Variants in WDR83 observed in about 807,000 individuals in gnomAD.
The protein encoded by WDR83 is WD repeat domain-containing protein 83.
A neutral mutation model predicts 37.7 loss-of-function variants in WDR83; 37 were observed. That is an observed-to-expected ratio of 0.98 (90% CI 0.76 to 1.29). WDR83 has a LOEUF of 1.29. Ranked by LOEUF, WDR83 falls within the 50% of genes most tolerant of loss-of-function variation. The pLI is 0.00. For missense variants in WDR83, 445 were observed against 414.4 expected, an observed-to-expected ratio of 1.07 and a Z score of -0.64; for synonymous variants, 174 against 181.1, an observed-to-expected ratio of 0.96 and a Z score of 0.31.
intron 2 of WDR83, chr19:12,669,411 C>G (rs370776233): frequency 2.5e-6 from 4 of 1,592,070 alleles, no homozygotes; most frequent in Non-Finnish European, 3.4e-6. Flanking sequence ...CATAGCGAGT[C>G]GAAGGCCAGA....
chr19:12,673,460 C>T, intron 10 of WDR83, 144 bp downstream of exon 10: 2 of 623,224 alleles, frequency 3.2e-6, no homozygotes, highest in Non-Finnish European at 2.7e-6. Flanking sequence ...CTCTGTCGCC[C>T]AGGCTAGAGT....
intron 10 of WDR83, among the ~76,000 whole-genome samples, chr19:12,674,883 A>AG (rs1568315935): frequency 6.6e-6 from 1 of 152,174 alleles, no homozygotes; most frequent in East Asian, 1.9e-4. Flanking sequence ...TGGGAGGCCG[A>AG]GGGGGGTGGA....
At chr19:12,668,101 T>A in intron 1 of WDR83, 3 of 416,176 alleles carry the variant, frequency 7.2e-6, no homozygotes, top group South Asian at 3.0e-5. Flanking sequence ...TAACAACAGG[T>A]TTCAACGAGA....
At chr19:12,673,407 GATCTTT>G in intron 10 of WDR83, 91 bp downstream of exon 10, 1 of 415,212 alleles carries the variant, frequency 2.4e-6, no homozygotes. Flanking sequence ...TGAAGGCTAG[GATCTTT>G]TTTTTTTTTT....
rs1428520550 is a variant in WDR83 at position 12,673,045 on chromosome 19, G to A, written c.612G>A (p.Gln204=). 1 of 1,613,590 alleles carries A rather than the reference G, an allele frequency of 6.2e-7. No homozygotes were observed. The highest frequency in any genetic ancestry group is 8.5e-7 in the Non-Finnish European group (1 of 1,179,716). ...GCACCTGCTTCAGCCGGGATGGGCA[G>A]TGCACCCTGGTGTCCAGCCTGGACT... ...ITCTCFSRDG[Q]CTLVSSLDST... is the part of the protein sequence containing the mutation. Residue 204 remains glutamine (Q), a synonymous_variant, in exon 9 of 11, where the codon CAG becomes CAA. Transcript: ENST00000418543.
In WDR83 at chr19:12,672,709, C is replaced by G. The variant is rs2024458202; in HGVS notation, c.507-138C>G. ...GAGTAGGACGTAATTGGCCCTGGGC[C>G]TGAGTCTCAAGGCCAGAGCTTCAGA... On this transcript the variant is annotated intron_variant, in intron 7 of 10. Coordinates refer to ENST00000418543, the MANE Select transcript of WDR83 (RefSeq NM_001099737.3). 6 of 873,388 alleles carry G rather than the reference C, an allele frequency of 6.9e-6. No individual in the cohort carries two copies. In the Admixed American group the frequency reaches 1.1e-4, roughly 15 times the overall value. 54.1% of individuals were successfully genotyped at this position (873,388 alleles called of 1,614,324 possible). A position where few individuals can be genotyped will look rare whatever the true frequency, so the allele number is the denominator to read the frequency against.
intron 10 of WDR83, 56 bp downstream of exon 10, chr19:12,673,372 T>G: frequency 8.5e-7 from 1 of 1,169,602 alleles, no homozygotes; most frequent in Non-Finnish European, 1.3e-6. Context: ...CTCAGCCCTG[T>G]CCTTACCTCA....
intron 10 of WDR83, 126 bp from the exon 11 acceptor site, chr19:12,675,397 T>G (rs908212745): frequency 1.5e-4 from 207 of 1,338,694 alleles, no homozygotes; most frequent in Admixed American, 3.5e-4. Context: ...TAGAGGCAGG[T>G]GGCTGAAGGT....
In WDR83 at chr19:12,675,718, G is replaced by C; in HGVS notation, c.*46G>C. 6.3e-7 allele frequency: 1 copy of C among 1,592,660 alleles called. No individual in the cohort carries two copies. The highest frequency in any genetic ancestry group is 1.1e-5 in the South Asian group (1 of 89,870). On this transcript the variant is annotated 3_prime_UTR_variant, in exon 11 of 11. Coordinates refer to ENST00000418543, the MANE Select transcript of WDR83 (RefSeq NM_001099737.3). ...GGACCAAGGACCGAGACACAGACAT[G>C]GAAGGACTTCAGATACCATCTTATT... is the stretch of plus-strand genomic sequence containing the variant.
chr19:12,667,585 G>A (rs959885132), intron 1 of WDR83, among the ~76,000 whole-genome samples: 10 of 152,206 alleles, frequency 6.6e-5, no homozygotes, highest in East Asian at 1.9e-4. Context: ...CCTGGGAGGC[G>A]GAGGTTGCAG....
rs148669172 is a variant in WDR83 at position 12,670,701 on chromosome 19, T to C, written c.386T>C (p.Ile129Thr). Residue 129 changes from isoleucine (I) to threonine (T), a missense_variant, in exon 7 of 11, where the codon ATT becomes ACT. Transcript: ENST00000418543. ...EEATVILSGSIDSSIRCWDCR... is the reference protein window; with the variant it reads ...EEATVILSGSTDSSIRCWDCR... ...CATCATGCTGGCCTCACAGGCTCTA[T>C]TGATTCCAGTATCCGCTGTTGGGAT... 3.7e-5 allele frequency: 59 copies of C among 1,614,088 alleles called. No individual in the cohort carries two copies. Among genetic ancestry groups the C allele is most frequent in the Admixed American group, 1.0e-4 (6 of 60,010 alleles).
chr19:12,668,435 G>A (rs763862759), intron 1 of WDR83, 73 bp from the exon 2 acceptor site: 4 of 1,613,406 alleles, frequency 2.5e-6, no homozygotes, highest in East Asian at 2.2e-5. Flanking sequence ...CCTGAGACAG[G>A]AGAGAGGTGT....
chr19:12,673,393 G>A (rs2024479590), intron 10 of WDR83, 77 bp downstream of exon 10: 2 of 887,148 alleles, frequency 2.3e-6, no homozygotes, highest in Non-Finnish European at 3.6e-6. Flanking sequence ...GTCACTCCAG[G>A]GCCTGAAGGC....
At chr19:12,672,743 C>A (rs922048474) in intron 7 of WDR83, 104 bp from the exon 8 acceptor site, 7 of 1,194,156 alleles carry the variant, frequency 5.9e-6, no homozygotes, top group Non-Finnish European at 8.5e-6. Flanking sequence ...GAATTCCACT[C>A]CTGTGCACTG....
chr19:12,672,583 G>A, intron 7 of WDR83: 1 of 495,390 alleles, frequency 2.0e-6, no homozygotes, highest in Non-Finnish European at 3.7e-6. Context: ...ACTCCAGCCT[G>A]AGCAACAAGA....
intron 2 of WDR83, chr19:12,669,276 C>A: frequency 1.2e-6 from 2 of 1,609,768 alleles, no homozygotes; most frequent in Non-Finnish European, 1.7e-6. Flanking sequence ...GTCCTGCCCC[C>A]GGGATAGACA....
intron 7 of WDR83, chr19:12,672,631 A>C (rs956851330): frequency 6.9e-6 from 4 of 579,060 alleles, no homozygotes; most frequent in Non-Finnish European, 1.2e-5. Context: ...GAAAAGGGGG[A>C]ATCAGAAGGA....
In WDR83 at chr19:12,670,143, C is replaced by T. The variant is rs190977234; in HGVS notation, c.225-37C>T. 6.5e-5 allele frequency: 104 copies of T among 1,607,438 alleles called. No homozygotes were observed. In the East Asian group the frequency reaches 1.4e-3, roughly 22 times the overall value. ...GGATGGGAGCGCTGAGGCTGGGATC[C>T]GAGGTCGATGCTGATCCTCCTCCTC... On this transcript the variant is annotated intron_variant, in intron 4 of 10. Coordinates refer to ENST00000418543, the MANE Select transcript of WDR83 (RefSeq NM_001099737.3).
chr19:12,669,238 G>A, intron 2 of WDR83: 1 of 1,613,818 alleles, frequency 6.2e-7, no homozygotes, highest in Non-Finnish European at 8.5e-7. Context: ...TTGTACCTGC[G>A]ACAGGCTCGA....
Sources: allele counts gnomAD v4.1 joint callset (sites outside exome capture counted in the v4.1 genomes callset), GRCh38; gene constraint gnomAD v4.1.1; transcripts MANE v1.5; gene names NCBI Gene and HGNC (gene_info 2026-07-23, HGNC 2026-07-21).